ADAMTSL1: variants seen among roughly 807,000 people sequenced by gnomAD.
The protein encoded by ADAMTSL1 is ADAMTS-like protein 1.
In ADAMTSL1, 126 loss-of-function variants were observed where a neutral mutation model predicts 201.8. The observed-to-expected ratio is 0.62, with a 90% CI of 0.54 to 0.72. The LOEUF (loss-of-function observed/expected upper bound fraction) is 0.72, where lower values mean the gene tolerates loss of function less well. ADAMTSL1 is among the 30% of genes least tolerant of loss of function. The probability of loss-of-function intolerance (pLI) is 0.00; values close to 1 mark genes in which losing one functional copy is unlikely to be tolerated. For missense variants in ADAMTSL1, 2,679 were observed against 2,277.8 expected (o/e 1.18, Z -3.59); for synonymous variants, 1,121 against 903.4 (o/e 1.24, Z -4.32).
intron 1 of ADAMTSL1, among the ~76,000 whole-genome samples, chr9:17,998,636 G>A (rs188499397): frequency 6.6e-6 from 1 of 152,108 alleles, no homozygotes; most frequent in Non-Finnish European, 1.5e-5. Context: ...ATCTAGGGAA[G>A]GTAAATGCTT....
chr9:18,130,921 C>T (rs1416864421), intron 1 of ADAMTSL1, among the ~76,000 whole-genome samples: 1 of 152,058 alleles, frequency 6.6e-6, no homozygotes, highest in Non-Finnish European at 1.5e-5. Context: ...AAAGTAGTTG[C>T]CATTCCTGAC....
chr9:18,413,796 T>C (rs1818555936), intron 2 of ADAMTSL1, among the ~76,000 whole-genome samples: 1 of 152,240 alleles, frequency 6.6e-6, no homozygotes, highest in Non-Finnish European at 1.5e-5. Flanking sequence ...CCCATTTTTC[T>C]TGCTTTCCAT....
chr9:18,768,877 C>T (rs1020902281), intron 16 of ADAMTSL1, among the ~76,000 whole-genome samples: 3 of 152,158 alleles, frequency 2.0e-5, no homozygotes, highest in African/African-American at 4.8e-5. Context: ...GGTGAGAGAA[C>T]ATTCATTTGT....
At chr9:17,960,235 C>T (rs1367146182) in intron 1 of ADAMTSL1, among the ~76,000 whole-genome samples, 1 of 152,188 alleles carries the variant, frequency 6.6e-6, no homozygotes, top group African/African-American at 2.4e-5. Flanking sequence ...GGGCATGACC[C>T]TCCCATGGAG....
chr9:18,726,554 C>A (rs1319999928), intron 15 of ADAMTSL1, among the ~76,000 whole-genome samples: 2 of 150,756 alleles, frequency 1.3e-5, no homozygotes, highest in African/African-American at 4.9e-5. Context: ...CCCTGGTTTA[C>A]AATAGCAATG....
chr9:18,687,845 G>A (rs1453181307), intron 13 of ADAMTSL1, among the ~76,000 whole-genome samples: 2 of 152,108 alleles, frequency 1.3e-5, no homozygotes, highest in Non-Finnish European at 2.9e-5. Context: ...CCAGAAGAAT[G>A]TACCAACAGC....
At chr9:17,995,362 A>G (rs1257926231) in intron 1 of ADAMTSL1, among the ~76,000 whole-genome samples, 1 of 152,138 alleles carries the variant, frequency 6.6e-6, no homozygotes, top group Non-Finnish European at 1.5e-5. Flanking sequence ...TACCAGATAG[A>G]TGCTACTAAG....
At chr9:18,322,658 A>G (rs1834672485) in intron 2 of ADAMTSL1, among the ~76,000 whole-genome samples, 1 of 152,154 alleles carries the variant, frequency 6.6e-6, no homozygotes, top group Non-Finnish European at 1.5e-5. Context: ...AACAAAATAA[A>G]GCAAAAAGAA....
intron 22 of ADAMTSL1, among the ~76,000 whole-genome samples, chr9:18,828,258 T>G (rs1824718951): frequency 6.6e-6 from 1 of 152,106 alleles, no homozygotes; most frequent in Admixed American, 6.5e-5. Context: ...CAAATGGACA[T>G]GCACTGAAAA....
At chr9:18,246,790 G>T (rs1831271447) in intron 2 of ADAMTSL1, among the ~76,000 whole-genome samples, 1 of 151,870 alleles carries the variant, frequency 6.6e-6, no homozygotes, top group Non-Finnish European at 1.5e-5. Flanking sequence ...ACATAACCAC[G>T]GCACCACTAT....
rs1288110590 is a variant in ADAMTSL1, at chr9:18,270,977, C to T, written c.207+106996C>T. Among the ~76,000 whole-genome samples, 3 of 152,126 alleles carry T rather than the reference C, an allele frequency of 2.0e-5. No homozygotes were observed. The East Asian group carries it at 5.8e-4, about 29-fold the overall frequency. On this transcript the variant is annotated intron_variant, in intron 2 of 29. Transcript: ENST00000680146. The stretch of plus-strand genomic sequence containing the variant: ...ACCACAAGATGGAAGGGGCCTGAGT[C>T]TCAGAATGACCATGCTGGTGGGTGG...
At chr9:18,637,793 A>C (rs1827194454) in intron 6 of ADAMTSL1, among the ~76,000 whole-genome samples, 1 of 152,110 alleles carries the variant, frequency 6.6e-6, no homozygotes, top group African/African-American at 2.4e-5. Context: ...ATTTTGGACC[A>C]AACCAGAATA....
intron 1 of ADAMTSL1, among the ~76,000 whole-genome samples, chr9:18,482,846 C>T (rs1023822711): frequency 2.3e-4 from 35 of 152,248 alleles, no homozygotes; most frequent in African/African-American, 7.9e-4. Flanking sequence ...TTGGTGGGAA[C>T]GTTTTCAGAA....
At chr9:18,661,666 A>T (rs926052604) in intron 8 of ADAMTSL1, among the ~76,000 whole-genome samples, 1 of 152,208 alleles carries the variant, frequency 6.6e-6, no homozygotes, top group Admixed American at 6.5e-5. Flanking sequence ...AACAGTTCTT[A>T]CCAGAGTCTT....
intron 2 of ADAMTSL1, among the ~76,000 whole-genome samples, chr9:18,524,413 C>G (rs561637223): frequency 6.6e-6 from 1 of 152,214 alleles, no homozygotes; most frequent in South Asian, 2.1e-4. Context: ...TCCTCTTTTC[C>G]TAATTGAATA....
intron 2 of ADAMTSL1, among the ~76,000 whole-genome samples, chr9:18,401,587 A>G (rs1329718): frequency 0.41 from 62,249 of 152,024 alleles, 13,092 homozygotes; most frequent in South Asian, 0.56. Flanking sequence ...GAGTTAAGGA[A>G]CTAGGACCAC....
chr9:17,954,565 A>G (rs955560446), intron 1 of ADAMTSL1, among the ~76,000 whole-genome samples: 18 of 152,216 alleles, frequency 1.2e-4, no homozygotes, highest in African/African-American at 4.3e-4. Flanking sequence ...AAACTTAGTT[A>G]CTGATAAAAA....
rs1301726802 is a variant in ADAMTSL1 at position 18,031,499 on chromosome 9, A to C, written c.87+124577A>C. Reference sequence around the variant, plus strand: ...GTGCTGAAGGAATTTTTGTTTGTTCATATAATTCAGGCTCTAGTCCAATAG... The same window carrying C: ...GTGCTGAAGGAATTTTTGTTTGTTCCTATAATTCAGGCTCTAGTCCAATAG... On this transcript the variant is annotated intron_variant, in intron 1 of 29. Transcript: ENST00000680146. Among the ~76,000 whole-genome samples, 4 of 152,074 alleles carry C rather than the reference A, an allele frequency of 2.6e-5. No homozygotes were observed. The South Asian group carries it at 8.3e-4, about 31-fold the overall frequency.
At chr9:18,693,998 C>G (rs933039903) in intron 13 of ADAMTSL1, among the ~76,000 whole-genome samples, 1 of 152,102 alleles carries the variant, frequency 6.6e-6, no homozygotes, top group Non-Finnish European at 1.5e-5. Flanking sequence ...CTGGGGAGGT[C>G]TCAGGAAACT....
Sources: allele counts gnomAD v4.1 joint callset (sites outside exome capture counted in the v4.1 genomes callset), GRCh38; gene constraint gnomAD v4.1.1; transcripts MANE v1.5; gene names NCBI Gene and HGNC (gene_info 2026-07-23, HGNC 2026-07-21).